The following KCNU1 variants were observed in gnomAD, a reference collection of about 807,000 sequenced individuals.
KCNU1 encodes the protein potassium channel subfamily U member 1.
A neutral mutation model predicts 126.8 loss-of-function variants in KCNU1; 93 were observed. The observed-to-expected ratio is 0.73, with a 90% confidence interval of 0.62 to 0.87. The LOEUF (loss-of-function observed/expected upper bound fraction) is 0.87, where lower values mean the gene tolerates loss of function less well. KCNU1 is among the 40% of genes least tolerant of loss of function. KCNU1 has a pLI of 0.00. For missense variants in KCNU1, 1,330 were observed against 1,367.1 expected, an observed-to-expected ratio of 0.97 and a Z score of 0.43; for synonymous variants, 523 against 494.2, an observed-to-expected ratio of 1.06 and a Z score of -0.77.
chr8:36,785,573 A>AT (rs1802683973), intron 1 of KCNU1, among the ~76,000 whole-genome samples: 1 of 152,172 alleles, frequency 6.6e-6, no homozygotes, highest in Admixed American at 6.5e-5. Flanking sequence ...AAGCTTATAG[A>AT]TTTTGTTCCT....
At chr8:36,844,247 G>A (rs1366208054) in intron 16 of KCNU1, among the ~76,000 whole-genome samples, 1 of 152,072 alleles carries the variant, frequency 6.6e-6, no homozygotes, top group African/African-American at 2.4e-5. Flanking sequence ...ATGCATGGTG[G>A]TGCACACCTG....
At chr8:36,845,023 A>G (rs1805092391) in intron 16 of KCNU1, among the ~76,000 whole-genome samples, 1 of 152,132 alleles carries the variant, frequency 6.6e-6, no homozygotes, top group Admixed American at 6.5e-5. Flanking sequence ...GTAAGATAAC[A>G]ATAGAAATAA....
intron 19 of KCNU1, among the ~76,000 whole-genome samples, chr8:36,865,532 G>A (rs1314441486): frequency 6.6e-6 from 1 of 151,524 alleles, no homozygotes; most frequent in Non-Finnish European, 1.5e-5. Flanking sequence ...TTAGGAGGCT[G>A]AGCTGGGAGG....
intron 23 of KCNU1, among the ~76,000 whole-genome samples, chr8:36,921,275 GGATTGC>G (rs1417999105): frequency 6.6e-6 from 1 of 152,104 alleles, no homozygotes; most frequent in African/African-American, 2.4e-5. Flanking sequence ...TACCCACAGT[GGATTGC>G]TCTTTAGGAT....
chr8:36,787,332 T>C lies in KCNU1; in HGVS notation c.222T>C (p.Ala74=). 3 of 1,611,748 alleles carry C rather than the reference T, an allele frequency of 1.9e-6. No individual in the cohort carries two copies. Among genetic ancestry groups the C allele is most frequent in the Non-Finnish European group, 1.7e-6 (2 of 1,178,616 alleles). Residue 74 remains alanine, a synonymous_variant, in exon 2 of 27, where the codon GCT becomes GCC. Coordinates refer to ENST00000399881, the MANE Select transcript of KCNU1 (RefSeq NM_001031836.3). ...AACTGTTCACATCAGGTACCATCGC[T>C]AGGAGCCATGTAAGAAGCCTCCACT... is the stretch of plus-strand genomic sequence containing the variant. The part of the protein sequence containing the change: ...ILELFTSGTI[A]RSHVRSLHFQ...
At chr8:36,843,100 C>T (rs1805016621) in intron 16 of KCNU1, among the ~76,000 whole-genome samples, 1 of 152,168 alleles carries the variant, frequency 6.6e-6, no homozygotes, top group African/African-American at 2.4e-5. Flanking sequence ...AATCTGGAAA[C>T]TACAACCACA....
intron 10 of KCNU1, among the ~76,000 whole-genome samples, chr8:36,825,312 A>G (rs980008907): frequency 6.6e-6 from 1 of 152,104 alleles, no homozygotes; most frequent in Non-Finnish European, 1.5e-5. Context: ...TGTCTTGACC[A>G]TTTTTATGCT....
rs1802645273 is a variant in KCNU1 at position 36,784,556 on chromosome 8, G to T, written c.146G>T (p.Trp49Leu). Residue 49 changes from tryptophan (W) to leucine (L), a missense_variant, in exon 1 of 27, where the codon TGG becomes TTG. Trp to Leu is a moderately conservative substitution (Grantham distance 61). Transcript: ENST00000399881. ...ATCCTGTTGATCTTCAGGCTGATCTGGAGATCTGTTAAAAAATGGCAAATC... is the reference window on the plus strand; with the variant it reads ...ATCCTGTTGATCTTCAGGCTGATCTTGAGATCTGTTAAAAAATGGCAAATC... ...LIILLIFRLI[W>L]RSVKKWQIIK... is the part of the protein sequence containing the mutation. The T allele has an allele frequency of 6.2e-7, 1 of 1,613,634 alleles. No individual in the cohort carries two copies. Among genetic ancestry groups the T allele is most frequent in the South Asian group, 1.1e-5 (1 of 91,036 alleles).
chr8:36,817,415 T>G (rs1184544630), intron 9 of KCNU1, among the ~76,000 whole-genome samples: 1 of 147,848 alleles, frequency 6.8e-6, no homozygotes, highest in East Asian at 2.1e-4. Context: ...AGGAGAATCA[T>G]TTAAACCCAG....
At chr8:36,819,568 C>T (rs1013874084) in intron 10 of KCNU1, among the ~76,000 whole-genome samples, 10 of 152,008 alleles carry the variant, frequency 6.6e-5, no homozygotes, top group Non-Finnish European at 1.2e-4. Context: ...CTTGTCTTCC[C>T]AAAATTTCTC....
intron 19 of KCNU1, chr8:36,888,786 T>C (rs771680589): frequency 5.6e-6 from 3 of 531,044 alleles, no homozygotes; most frequent in African/African-American, 3.9e-5. Flanking sequence ...AACGAAAAAC[T>C]TGAAGAACAG....
At chr8:36,877,621 T>C (rs965432209) in intron 19 of KCNU1, among the ~76,000 whole-genome samples, 3 of 152,112 alleles carry the variant, frequency 2.0e-5, no homozygotes, top group Non-Finnish European at 2.9e-5. Flanking sequence ...CCATTTTTAA[T>C]TCTAATCCCA....
chr8:36,840,680 C>T (rs1302929972), intron 15 of KCNU1, 105 bp downstream of exon 15: 4 of 758,368 alleles, frequency 5.3e-6, no homozygotes, highest in Non-Finnish European at 9.0e-6. Context: ...AACTGAAGAT[C>T]TAAGAAGGGA....
intron 19 of KCNU1, among the ~76,000 whole-genome samples, chr8:36,902,086 ATGG>A (rs1807442139): frequency 6.6e-6 from 1 of 152,122 alleles, no homozygotes; most frequent in African/African-American, 2.4e-5. Context: ...TAGTTAAGGG[ATGG>A]TGATGTAAAT....
chr8:36,807,457 A>C lies in KCNU1; in HGVS notation c.656+7A>C. On this transcript the variant is annotated splice_region_variant and intron_variant, in intron 6 of 26. Coordinates refer to ENST00000399881, the MANE Select transcript of KCNU1 (RefSeq NM_001031836.3). ...TACGAGCCATCAAGACCAGGTAAAT[A>C]GCCCTGACCGAAGTACTGCTTACTT... The C allele has an allele frequency of 6.2e-7, 1 of 1,601,856 alleles. No homozygotes were observed. Among genetic ancestry groups the C allele is most frequent in the Non-Finnish European group, 8.6e-7 (1 of 1,168,946 alleles).
chr8:36,904,996 T>G (rs1376902466), intron 19 of KCNU1, among the ~76,000 whole-genome samples: 2 of 152,142 alleles, frequency 1.3e-5, no homozygotes, highest in Admixed American at 1.3e-4. Context: ...TGACAAGGGT[T>G]TTCTTATTCT....
At chr8:36,836,411 T>C in intron 13 of KCNU1, 46 bp downstream of exon 13, 3 of 1,286,160 alleles carry the variant, frequency 2.3e-6, no homozygotes, top group Non-Finnish European at 3.3e-6. Flanking sequence ...TTTATCTATA[T>C]AGCTAGACGA....
chr8:36,872,838 C>T lies in KCNU1; in HGVS notation c.2009+8317C>T, dbSNP rs376801385. Reference sequence around the variant, plus strand: ...ATGTTATTTCAATTAACATCTTGGGCTGGGTGCAGTAGCTCATGCCTGTAA... The same window carrying T: ...ATGTTATTTCAATTAACATCTTGGGTTGGGTGCAGTAGCTCATGCCTGTAA... On this transcript the variant is annotated intron_variant, in intron 19 of 26. Transcript: ENST00000399881. Among the ~76,000 whole-genome samples the T allele has an allele frequency of 2.0e-3, 300 of 152,290 alleles. 4 individuals are homozygous for T. The highest frequency in any genetic ancestry group is 0.014 in the South Asian group (68 of 4,828).
intron 19 of KCNU1, among the ~76,000 whole-genome samples, chr8:36,866,256 T>G (rs1805907054): frequency 6.6e-6 from 1 of 152,164 alleles, no homozygotes; most frequent in African/African-American, 2.4e-5. Flanking sequence ...ATTTACCTAT[T>G]TCTTTTAACA....
Sources: gnomAD v4.1 joint callset for allele counts (sites outside exome capture counted in the v4.1 genomes callset) on GRCh38, gnomAD v4.1.1 for gene constraint, MANE v1.5 for transcripts, NCBI Gene and HGNC (gene_info 2026-07-23, HGNC 2026-07-21) for gene names.